Variants in MOCOS observed in about 807,000 individuals in gnomAD.
The protein encoded by MOCOS is molybdenum cofactor sulfurase, also known as human molybdenum cofactor sulfurase.
In MOCOS, 86 loss-of-function variants were observed where a neutral mutation model predicts 83.6. The observed-to-expected ratio is 1.03, with a 90% CI of 0.86 to 1.23. The LOEUF is 1.23. MOCOS is among the 50% of genes most tolerant of loss of function. The pLI, the probability that MOCOS is intolerant of heterozygous loss-of-function variation, is 0.00. For synonymous variants in MOCOS, 445 were observed against 434.7 expected, an observed-to-expected ratio of 1.02 and a Z score of -0.29; for missense variants, 1,120 against 1,126.9, an observed-to-expected ratio of 0.99 and a Z score of 0.09.
chr18:36,266,421 C>G (rs1051368061), intron 13 of MOCOS, among the ~76,000 whole-genome samples: 2 of 152,126 alleles, frequency 1.3e-5, no homozygotes, highest in Non-Finnish European at 2.9e-5. Context: ...CAGGTGTGAG[C>G]CACCATGCTG....
At chr18:36,203,085 A>T (rs781206730) in intron 4 of MOCOS, 28 bp from the exon 5 acceptor site, 1 of 1,602,298 alleles carries the variant, frequency 6.2e-7, no homozygotes, top group Non-Finnish European at 8.6e-7. Flanking sequence ...CCACAGCTTG[A>T]CCTGTTCTCC....
intron 9 of MOCOS, among the ~76,000 whole-genome samples, chr18:36,230,028 C>T (rs982202824): frequency 6.6e-6 from 1 of 152,048 alleles, no homozygotes. Flanking sequence ...TTGTTTGGAA[C>T]ATCTTTGCCT....
At chr18:36,192,837 T>C (rs59900973) in intron 1 of MOCOS, among the ~76,000 whole-genome samples, 1 of 151,960 alleles carries the variant, frequency 6.6e-6, no homozygotes, top group Admixed American at 6.6e-5. Context: ...GTAGTAGAGA[T>C]GGGGTTTCAC....
Position 36,198,664 on chromosome 18 carries a change from G to C in MOCOS, c.233-26G>C, listed in dbSNP as rs919622306. 7.4e-6 allele frequency: 12 copies of C among 1,612,966 alleles called. No individual in the cohort carries two copies. The African/African-American group carries it at 1.2e-4, about 16-fold the overall frequency. ...AGAAGCGACCCTAAGTAGTGACTTG[G>C]TGGCCTTGTCTTTGTAACCTGCCAG... On this transcript the variant is annotated intron_variant, in intron 2 of 14. Coordinates refer to ENST00000261326, the MANE Select transcript of MOCOS (RefSeq NM_017947.4).
chr18:36,246,661 G>A (rs889783100), intron 9 of MOCOS, among the ~76,000 whole-genome samples: 1 of 152,224 alleles, frequency 6.6e-6, no homozygotes, highest in Non-Finnish European at 1.5e-5. Flanking sequence ...CAGTGAAGTT[G>A]TCACATGGAC....
Position 36,205,336 on chromosome 18 carries a change from C to A in MOCOS, c.1218+60C>A, listed in dbSNP as rs1486694847. 3.2e-6 allele frequency: 5 copies of A among 1,539,296 alleles called. No homozygotes were observed. The Admixed American group carries it at 5.0e-5, about 15-fold the overall frequency. ...AACTCATCCTAGTTCCAGACGAGAG[C>A]AATGTAGTGTGACAAAGTCCATGCA... On this transcript the variant is annotated intron_variant, in intron 6 of 14. Coordinates refer to ENST00000261326, the MANE Select transcript of MOCOS (RefSeq NM_017947.4).
In MOCOS at chr18:36,220,087, G is replaced by T; in HGVS notation, c.1830G>T (p.Leu610=). 1.9e-6 allele frequency: 3 copies of T among 1,613,670 alleles called. No individual in the cohort carries two copies. Among genetic ancestry groups the T allele is most frequent in the African/African-American group, 1.3e-5 (1 of 75,020 alleles). Residue 610 remains leucine, a synonymous_variant, in exon 9 of 15, where the codon CTG becomes CTT. Coordinates refer to ENST00000261326, the MANE Select transcript of MOCOS (RefSeq NM_017947.4). ...GGTGGCCTGTAGGAAACCAAGGGCT[G>T]CTATATGACCGGAGCTGGATGGTTG... The part of the protein sequence containing the change: ...VTRWPVGNQG[L]LYDRSWMVVN...
chr18:36,197,227 C>T (rs1013775638), intron 2 of MOCOS, among the ~76,000 whole-genome samples: 3 of 152,118 alleles, frequency 2.0e-5, no homozygotes, highest in Non-Finnish European at 4.4e-5. Flanking sequence ...ATCTGCAGGG[C>T]AATACGTGGG....
rs188898370 is a variant in MOCOS at position 36,215,857 on chromosome 18, T to C, written c.1677T>C (p.Asp559=). The C allele has an allele frequency of 1.2e-5, 20 of 1,614,214 alleles. No homozygotes were observed. The East Asian group carries it at 4.2e-4, about 34-fold the overall frequency. The change falls in exon 8 of 15, where the codon GAT becomes GAC. Residue 559 remains aspartate, a synonymous_variant. Coordinates refer to ENST00000261326, the MANE Select transcript of MOCOS (RefSeq NM_017947.4). ...TGCCTGTGGCCCCACCTGTGTGTGA[T>C]GTCGCCAGAACCCAGCCGACTCCTT... is the stretch of plus-strand genomic sequence containing the variant. ...NAVPVAPPVC[D]VARTQPTPSE...
At chr18:36,219,498 G>T (rs1419260279) in intron 8 of MOCOS, among the ~76,000 whole-genome samples, 1 of 151,998 alleles carries the variant, frequency 6.6e-6, no homozygotes, top group Non-Finnish European at 1.5e-5. Context: ...GGCTAACATG[G>T]TGAAACCCTG....
chr18:36,231,836 A>T (rs1487228340), intron 9 of MOCOS, among the ~76,000 whole-genome samples: 1 of 152,192 alleles, frequency 6.6e-6, no homozygotes, highest in Non-Finnish European at 1.5e-5. Flanking sequence ...TCCATAAAAA[A>T]CTTGCTCAGT....
chr18:36,201,319 G>A (rs944465948), intron 4 of MOCOS, among the ~76,000 whole-genome samples: 1 of 152,168 alleles, frequency 6.6e-6, no homozygotes, highest in Non-Finnish European at 1.5e-5. Flanking sequence ...ACACCAGCGA[G>A]GGGACATGTG....
intron 9 of MOCOS, among the ~76,000 whole-genome samples, chr18:36,237,723 GT>G (rs2091564882): frequency 1.3e-5 from 2 of 152,014 alleles, no homozygotes; most frequent in South Asian, 4.2e-4. Flanking sequence ...GTTCCTCCTT[GT>G]ACCTGTGGTA....
intron 9 of MOCOS, among the ~76,000 whole-genome samples, chr18:36,245,243 G>T (rs1368638578): frequency 6.6e-6 from 1 of 152,066 alleles, no homozygotes; most frequent in African/African-American, 2.4e-5. Flanking sequence ...CTTTAAGGAA[G>T]TTCTATTTTT....
At chr18:36,203,379 T>C (rs567122866) in intron 5 of MOCOS, among the ~76,000 whole-genome samples, 190 bp downstream of exon 5, 5 of 152,282 alleles carry the variant, frequency 3.3e-5, no homozygotes, top group South Asian at 4.1e-4. Context: ...GTTTTTGGAT[T>C]GTTTTTTGTT....
intron 12 of MOCOS, 113 bp from the exon 13 acceptor site, chr18:36,259,924 C>A: frequency 1.4e-6 from 2 of 1,425,062 alleles, no homozygotes; most frequent in Non-Finnish European, 2.0e-6. Context: ...AGGGCACAGG[C>A]CACAGTAGAG....
intron 9 of MOCOS, among the ~76,000 whole-genome samples, chr18:36,242,513 A>T (rs1430816139): frequency 6.6e-6 from 1 of 152,180 alleles, no homozygotes; most frequent in Non-Finnish European, 1.5e-5. Flanking sequence ...CACATTTTCA[A>T]GTATCTTTGT....
At chr18:36,242,631 A>G (rs71365630) in intron 9 of MOCOS, among the ~76,000 whole-genome samples, 16,993 of 152,206 alleles carry the variant, frequency 0.11, 1,040 homozygotes, top group Non-Finnish European at 0.13. Flanking sequence ...AGTTTAATTG[A>G]CTCACAGTTC....
chr18:36,255,261 T>C (rs558655051), intron 11 of MOCOS, among the ~76,000 whole-genome samples: 3 of 152,208 alleles, frequency 2.0e-5, no homozygotes, highest in South Asian at 4.2e-4. Context: ...GGAAAGGAGT[T>C]TCGTTAGTGC....
Sources: gnomAD v4.1 joint callset for allele counts (sites outside exome capture counted in the v4.1 genomes callset) on GRCh38, gnomAD v4.1.1 for gene constraint, MANE v1.5 for transcripts, NCBI Gene and HGNC (gene_info 2026-07-23, HGNC 2026-07-21) for gene names.